Variants in L3MBTL1 observed in about 807,000 individuals in gnomAD.
L3MBTL1 encodes lethal(3)malignant brain tumor-like protein 1.
L3MBTL1 carries 75 observed loss-of-function variants against 105.3 expected under a neutral mutation model. That is an observed-to-expected ratio of 0.71 (90% CI 0.59 to 0.86). The LOEUF is 0.86. Among genes scored for constraint, L3MBTL1 ranks in the 40% least tolerant of loss-of-function variants. The probability of loss-of-function intolerance (pLI) is 0.00; values close to 1 mark genes in which losing one functional copy is unlikely to be tolerated. For synonymous variants in L3MBTL1, 452 were observed against 436.2 expected (o/e 1.04, Z -0.45); for missense variants, 1,069 against 1,126.4 (o/e 0.95, Z 0.73).
At chr20:43,529,974 A>T (rs759849122) in intron 9 of L3MBTL1, among the ~76,000 whole-genome samples, 5 of 152,212 alleles carry the variant, frequency 3.3e-5, no homozygotes, top group Non-Finnish European at 5.9e-5. Flanking sequence ...GGGAGCGGTC[A>T]TCAGGAGCCC....
intron 1 of L3MBTL1, among the ~76,000 whole-genome samples, chr20:43,511,395 T>A (rs1158756924): frequency 2.6e-5 from 4 of 152,192 alleles, no homozygotes; most frequent in South Asian, 4.1e-4. Context: ...AAGATCACTA[T>A]TGATTATAAT....
downstream of L3MBTL1, among the ~76,000 whole-genome samples, chr20:43,545,801 G>C (rs1978559253): frequency 6.6e-6 from 1 of 152,208 alleles, no homozygotes; most frequent in Non-Finnish European, 1.5e-5. Flanking sequence ...CCAGTTTTCA[G>C]AGCCTCCTTG....
downstream of L3MBTL1, among the ~76,000 whole-genome samples, chr20:43,546,365 T>C (rs1275835110): frequency 2.0e-5 from 3 of 152,190 alleles, no homozygotes; most frequent in African/African-American, 4.8e-5. Context: ...CTCACAGTGG[T>C]TAGGAACACA....
intron 1 of L3MBTL1, among the ~76,000 whole-genome samples, chr20:43,509,256 G>A (rs1420496956): frequency 6.7e-6 from 1 of 149,340 alleles, no homozygotes; most frequent in Non-Finnish European, 1.5e-5. Context: ...ACAGGGTCTT[G>A]CTCTGTCGCC....
intron 19 of L3MBTL1, among the ~76,000 whole-genome samples, 178 bp downstream of exon 19, chr20:43,536,636 A>T (rs1031483702): frequency 2.0e-5 from 3 of 152,134 alleles, no homozygotes; most frequent in African/African-American, 7.2e-5. Flanking sequence ...AGGGGCCTTG[A>T]GTGACCTTGG....
chr20:43,538,624 GT>G (rs1418143633), intron 19 of L3MBTL1, among the ~76,000 whole-genome samples: 5 of 152,212 alleles, frequency 3.3e-5, no homozygotes, highest in Non-Finnish European at 5.9e-5. Context: ...GCTGGGCTTA[GT>G]CTTTAGGCCT....
chr20:43,529,098 T>C (rs991705573), intron 8 of L3MBTL1, 166 bp from the exon 9 acceptor site: 2 of 600,232 alleles, frequency 3.3e-6, no homozygotes, highest in Non-Finnish European at 6.0e-6. Context: ...CTGGGAGATA[T>C]TCTCTCTCTC....
chr20:43,520,114 G>C (rs999761978), intron 7 of L3MBTL1, among the ~76,000 whole-genome samples: 1 of 151,970 alleles, frequency 6.6e-6, no homozygotes, highest in Non-Finnish European at 1.5e-5. Context: ...TCTGCTTTCT[G>C]TATACCAGAT....
chr20:43,536,021 C>T, intron 17 of L3MBTL1, 76 bp from the exon 18 acceptor site: 1 of 1,593,068 alleles, frequency 6.3e-7, no homozygotes, highest in South Asian at 1.1e-5. Context: ...AAAACACACT[C>T]CAGCTGGGAC....
Position 43,529,272 on chromosome 20 carries a change from A to G in L3MBTL1, c.960A>G (p.Ala320=). Residue 320 remains alanine, a synonymous_variant, in exon 9 of 22, where the codon GCA becomes GCG. Transcript: ENST00000418998. The stretch of plus-strand genomic sequence containing the variant: ...ACTCTGTGCGTTGACAGTCCCAGGC[A>G]GTCACTCACAACAAGAATGGCTTCA... ...APVSLFQDSQ[A]VTHNKNGFKL... 1.9e-6 allele frequency: 3 copies of G among 1,609,802 alleles called. No homozygotes were observed. Among genetic ancestry groups the G allele is most frequent in the Admixed American group, 1.7e-5 (1 of 59,786 alleles).
At chr20:43,518,851 CAAAAAAAAAAAAAAA>C (rs34529936) in intron 7 of L3MBTL1, among the ~76,000 whole-genome samples, 22 of 33,302 alleles carry the variant, frequency 6.6e-4, no homozygotes, top group East Asian at 4.7e-3. Context: ...ACTAAAAATA[CAAAAAAAAAAAAAAA>C]AAAAAAAAAA....
chr20:43,520,616 T>C (rs1175635352), intron 7 of L3MBTL1, among the ~76,000 whole-genome samples: 1 of 152,254 alleles, frequency 6.6e-6, no homozygotes, highest in Non-Finnish European at 1.5e-5. Flanking sequence ...TATCTCATTG[T>C]GGTTTTGATT....
intron 15 of L3MBTL1, 76 bp from the exon 16 acceptor site, chr20:43,534,752 G>A: frequency 9.7e-7 from 1 of 1,029,306 alleles, no homozygotes; most frequent in Non-Finnish European, 1.5e-6. Flanking sequence ...ACAGGTCCCA[G>A]GGATGGGGAG....
downstream of L3MBTL1, among the ~76,000 whole-genome samples, chr20:43,544,009 G>A (rs1978407611): frequency 6.6e-6 from 1 of 152,224 alleles, no homozygotes; most frequent in African/African-American, 2.4e-5. Context: ...AGACAGAATT[G>A]TAAGTTGTTG....
chr20:43,546,674 AT>A (rs1978623078), downstream of L3MBTL1, among the ~76,000 whole-genome samples: 1 of 152,078 alleles, frequency 6.6e-6, no homozygotes, highest in Admixed American at 6.6e-5. Context: ...AGCTCTCTTC[AT>A]TCTATCCTGT....
In L3MBTL1 at chr20:43,515,301, A is replaced by G. The variant is rs1304390817; in HGVS notation, c.663A>G (p.Ile221Met). The G allele has an allele frequency of 2.5e-6, 4 of 1,605,090 alleles. No homozygotes were observed. The Admixed American group carries it at 6.8e-5, about 27-fold the overall frequency. The stretch of plus-strand genomic sequence containing the variant: ...GCTGGCCCTTCCTCAGGTCAGTCAT[A>G]GTGGAGAACTCCTCAGGCTCTACCA... ...CPQLFQERSV[I>M]VENSSGSTSA... Residue 221 changes from isoleucine (I) to methionine (M), a missense_variant, in exon 6 of 22, where the codon ATA (isoleucine) becomes ATG (methionine). By Grantham distance (10) the Ile-to-Met change is conservative (BLOSUM62 1). Transcript: ENST00000418998.
intron 7 of L3MBTL1, among the ~76,000 whole-genome samples, chr20:43,519,458 GA>G (rs2018591898): frequency 6.6e-6 from 1 of 151,928 alleles, no homozygotes; most frequent in Non-Finnish European, 1.5e-5. Flanking sequence ...CCAACATGGA[GA>G]AACCCCATCT....
At chr20:43,516,627 A>G (rs2018406319) in intron 7 of L3MBTL1, among the ~76,000 whole-genome samples, 1 of 152,194 alleles carries the variant, frequency 6.6e-6, no homozygotes, top group Admixed American at 6.5e-5. Context: ...GGCCTTCTCA[A>G]TTACCATCTC....
In L3MBTL1 at chr20:43,513,494, G is replaced by T. The variant is rs1469395677; in HGVS notation, c.-10G>T. 6.5e-7 allele frequency: 1 copy of T among 1,549,952 alleles called. No individual in the cohort carries two copies. Among genetic ancestry groups the T allele is most frequent in the African/African-American group, 1.4e-5 (1 of 73,012 alleles). The stretch of plus-strand genomic sequence containing the variant: ...CTTGTAGGCCTGCCAGGATGGAGGG[G>T]CATGCTGGGATGGAGGGGCATGCTG... On this transcript the variant is annotated 5_prime_UTR_variant, in exon 2 of 22. Transcript: ENST00000418998.
Sources: allele counts gnomAD v4.1 joint callset (sites outside exome capture counted in the v4.1 genomes callset), GRCh38; gene constraint gnomAD v4.1.1; transcripts MANE v1.5; gene names NCBI Gene and HGNC (gene_info 2026-07-23, HGNC 2026-07-21).